Variants in KLF12 observed in about 807,000 individuals in gnomAD.
KLF12 encodes Krueppel-like factor 12.
KLF12 carries 9 observed loss-of-function variants against 37.8 expected under a neutral mutation model. That is an observed-to-expected ratio of 0.24 (90% CI 0.14 to 0.42). The LOEUF is 0.42. Among genes scored for constraint, KLF12 ranks in the 10% least tolerant of loss-of-function variants. KLF12 has a pLI of 1.00. For synonymous variants in KLF12, 208 were observed against 202.1 expected, an observed-to-expected ratio of 1.03 and a Z score of -0.25; for missense variants, 411 against 516.0, an observed-to-expected ratio of 0.80 and a Z score of 1.97.
intron 2 of KLF12, among the ~76,000 whole-genome samples, chr13:73,950,145 G>T (rs1462448915): frequency 6.6e-6 from 1 of 151,922 alleles, no homozygotes; most frequent in Non-Finnish European, 1.5e-5. Flanking sequence ...TTCCTATGTT[G>T]GTAAAGTGCC....
intron 6 of KLF12, among the ~76,000 whole-genome samples, chr13:73,751,610 T>C (rs1489843097): frequency 1.3e-5 from 2 of 152,140 alleles, no homozygotes; most frequent in African/African-American, 4.8e-5. Flanking sequence ...GGAGTTACCA[T>C]GAGGTTTCTA....
intron 6 of KLF12, among the ~76,000 whole-genome samples, chr13:73,748,844 C>CT (rs1878547597): frequency 6.6e-6 from 1 of 152,154 alleles, no homozygotes; most frequent in Non-Finnish European, 1.5e-5. Context: ...AATCTGCATC[C>CT]TTTGATTCCA....
chr13:73,816,866 T>C (rs1339706840), intron 4 of KLF12, among the ~76,000 whole-genome samples: 2 of 152,204 alleles, frequency 1.3e-5, no homozygotes, highest in Non-Finnish European at 2.9e-5. Flanking sequence ...CCAATCCCAC[T>C]GTGAGCCATG....
the KLF12 span, among the ~76,000 whole-genome samples, chr13:74,214,063 T>A: frequency 6.6e-6 from 1 of 152,154 alleles, no homozygotes; most frequent in Non-Finnish European, 1.5e-5. Context: ...AGTAGCATAG[T>A]TAAATTTTCT....
At chr13:73,951,370 A>T (rs1321888918) in intron 2 of KLF12, among the ~76,000 whole-genome samples, 1 of 152,148 alleles carries the variant, frequency 6.6e-6, no homozygotes, top group Non-Finnish European at 1.5e-5. Flanking sequence ...GCTATTTTAG[A>T]TGAGAAAATT....
chr13:73,772,893 GAGA>G (rs35294090), intron 5 of KLF12, among the ~76,000 whole-genome samples: 56,468 of 151,578 alleles, frequency 0.37, 11,985 homozygotes, highest in Non-Finnish European at 0.48. Flanking sequence ...AGGGAGGAGT[GAGA>G]AGAAGATGGA....
chr13:73,758,651 T>C (rs1219157805), intron 6 of KLF12, among the ~76,000 whole-genome samples: 1 of 152,168 alleles, frequency 6.6e-6, no homozygotes, highest in Non-Finnish European at 1.5e-5. Flanking sequence ...GTTTTTAATA[T>C]GAAAATGTCT....
At chr13:74,077,535 G>A (rs531030023) in intron 1 of KLF12, among the ~76,000 whole-genome samples, 16 of 152,226 alleles carry the variant, frequency 1.1e-4, no homozygotes, top group Admixed American at 2.0e-4. Flanking sequence ...GTGATGCACC[G>A]AAAATGAAGC....
At chr13:73,708,895 G>A (rs1186583017) in intron 7 of KLF12, among the ~76,000 whole-genome samples, 1 of 152,098 alleles carries the variant, frequency 6.6e-6, no homozygotes, top group Non-Finnish European at 1.5e-5. Flanking sequence ...TAAATACTCT[G>A]TAAACTGCTT....
At chr13:73,722,252 T>C (rs1239446310) in intron 6 of KLF12, among the ~76,000 whole-genome samples, 2 of 151,950 alleles carry the variant, frequency 1.3e-5, no homozygotes, top group African/African-American at 4.8e-5. Flanking sequence ...AGAGCAAGAG[T>C]GGATGAGACT....
Position 73,859,017 on chromosome 13 carries a change from C to A in KLF12, c.124-12644G>T, listed in dbSNP as rs112438130. On this transcript the variant is annotated intron_variant, in intron 3 of 7. Coordinates refer to ENST00000377669, the MANE Select transcript of KLF12 (RefSeq NM_007249.5). ...ACAACATTATCTGGCAGATGGTGTACGGGACAAACATTTTTGCTCTCATTA... is the reference window on the plus strand; with the variant it reads ...ACAACATTATCTGGCAGATGGTGTAAGGGACAAACATTTTTGCTCTCATTA... Among the ~76,000 whole-genome samples, 297 of 152,222 alleles carry A rather than the reference C, an allele frequency of 2.0e-3. 1 individual carries two copies. The highest frequency in any genetic ancestry group is 2.1e-3 in the Non-Finnish European group (141 of 67,994).
At chr13:74,175,010 C>T in the KLF12 span, among the ~76,000 whole-genome samples, 5 of 152,226 alleles carry the variant, frequency 3.3e-5, no homozygotes, top group Non-Finnish European at 7.3e-5. Context: ...CCACTAACCA[C>T]AGCACCCTAC....
intron 1 of KLF12, among the ~76,000 whole-genome samples, chr13:74,122,254 T>C (rs1030216833): frequency 6.6e-6 from 1 of 152,092 alleles, no homozygotes; most frequent in Non-Finnish European, 1.5e-5. Flanking sequence ...CCAATTTTTT[T>C]AAATGGGCAA....
chr13:74,175,168 T>C, the KLF12 span, among the ~76,000 whole-genome samples: 1 of 152,208 alleles, frequency 6.6e-6, no homozygotes, highest in East Asian at 1.9e-4. Context: ...GATCCCAATA[T>C]AAATTCTGCA....
At chr13:73,697,632 A>T (rs4883947) in intron 7 of KLF12, among the ~76,000 whole-genome samples, 127,893 of 152,170 alleles carry the variant, frequency 0.84, 54,103 homozygotes, top group Middle Eastern at 0.9. Flanking sequence ...GAGCTTGATA[A>T]AATTCATCTT....
intron 1 of KLF12, among the ~76,000 whole-genome samples, chr13:74,125,323 G>A (rs1371566158): frequency 6.6e-6 from 1 of 151,956 alleles, no homozygotes; most frequent in Non-Finnish European, 1.5e-5. Flanking sequence ...TTCCCCAGGT[G>A]CTTTAAACAA....
the KLF12 span, among the ~76,000 whole-genome samples, chr13:74,168,518 C>G: frequency 6.6e-6 from 1 of 152,204 alleles, no homozygotes; most frequent in Non-Finnish European, 1.5e-5. Context: ...ATATTCGACA[C>G]AGAGACCATG....
chr13:73,831,452 A>G (rs925364077), intron 4 of KLF12, among the ~76,000 whole-genome samples: 2 of 152,160 alleles, frequency 1.3e-5, no homozygotes, highest in Non-Finnish European at 2.9e-5. Context: ...TAATAAATAT[A>G]TTTACAAGAT....
intron 6 of KLF12, among the ~76,000 whole-genome samples, chr13:73,764,622 T>C (rs143565337): frequency 6.6e-6 from 1 of 152,116 alleles, no homozygotes; most frequent in Admixed American, 6.6e-5. Context: ...CTGAGAAATA[T>C]CTGGGTCTAT....
Sources: allele counts gnomAD v4.1 joint callset (sites outside exome capture counted in the v4.1 genomes callset), GRCh38; gene constraint gnomAD v4.1.1; transcripts MANE v1.5; gene names NCBI Gene and HGNC (gene_info 2026-07-23, HGNC 2026-07-21).